The following MRTFB variants were observed in gnomAD, a reference collection of about 807,000 sequenced individuals.
The protein encoded by MRTFB is myocardin-related transcription factor B.
Under a neutral mutation model 104.2 loss-of-function variants are expected in MRTFB, and 29 were observed. The observed-to-expected ratio is 0.28, with a 90% CI of 0.21 to 0.38. MRTFB has a LOEUF of 0.38. MRTFB is among the 10% of genes least tolerant of loss of function. The probability of loss-of-function intolerance (pLI) is 1.00; values close to 1 mark genes in which losing one functional copy is unlikely to be tolerated. For missense variants in MRTFB, 1,270 were observed against 1,341.6 expected (o/e 0.95, Z 0.83); for synonymous variants, 535 against 519.5 (o/e 1.03, Z -0.41).
the MRTFB span, among the ~76,000 whole-genome samples, chr16:14,007,563 T>G: frequency 1.3e-5 from 2 of 152,182 alleles, no homozygotes. Flanking sequence ...TGGACATATG[T>G]TTTCATTTCT....
Position 14,253,828 on chromosome 16 carries a change from G to A in MRTFB, c.2703+1326G>A, listed in dbSNP as rs564876028. Among the ~76,000 whole-genome samples the A allele has an allele frequency of 1.2e-4, 19 of 152,322 alleles. No individual in the cohort carries two copies. In the South Asian group the frequency reaches 3.7e-3, roughly 30 times the overall value. On this transcript the variant is annotated intron_variant, in intron 15 of 16. Coordinates refer to ENST00000571589, the MANE Select transcript of MRTFB (RefSeq NM_001308142.2). ...ACAGACTCAGCAAAGGCCCTTGTCT[G>A]TGAGGGAAAAGTCAGATTTCAAAGA... is the stretch of plus-strand genomic sequence containing the variant.
At chr16:14,195,476 G>A in intron 3 of MRTFB, 10 of 961,226 alleles carry the variant, frequency 1.0e-5, no homozygotes, top group Non-Finnish European at 1.2e-5. Context: ...ATATATTTGA[G>A]TGTGTGTTTG....
chr16:14,260,858 TTAAG>T (rs769542693), intron 16 of MRTFB, 47 bp from the exon 17 acceptor site: 15 of 1,475,662 alleles, frequency 1.0e-5, no homozygotes, highest in Non-Finnish European at 1.3e-5. Context: ...ATAAAAATTT[TTAAG>T]TAGTAGTAAA....
intron 2 of MRTFB, among the ~76,000 whole-genome samples, chr16:14,135,970 C>A (rs2037696859): frequency 1.3e-5 from 2 of 152,116 alleles, no homozygotes; most frequent in Non-Finnish European, 2.9e-5. Flanking sequence ...ACATTTAATT[C>A]TTTAGGTTCC....
At chr16:14,166,892 T>C (rs1327282351) in intron 3 of MRTFB, among the ~76,000 whole-genome samples, 1 of 152,254 alleles carries the variant, frequency 6.6e-6, no homozygotes, top group Non-Finnish European at 1.5e-5. Context: ...TACCACATTT[T>C]CTTTATCCAG....
intron 3 of MRTFB, chr16:14,200,104 G>A (rs1159440000): frequency 3.4e-6 from 2 of 593,672 alleles, no homozygotes; most frequent in Non-Finnish European, 5.7e-6. Flanking sequence ...CCTTATCAAA[G>A]TTTTAAGGGC....
chr16:14,199,582 C>T (rs1328039870), intron 3 of MRTFB, among the ~76,000 whole-genome samples: 2 of 152,208 alleles, frequency 1.3e-5, no homozygotes, highest in African/African-American at 4.8e-5. Flanking sequence ...AACCCAGGAT[C>T]ATCTTTGTGA....
the MRTFB span, among the ~76,000 whole-genome samples, chr16:14,036,842 C>T: frequency 6.6e-6 from 1 of 152,130 alleles, no homozygotes; most frequent in South Asian, 2.1e-4. Context: ...GCCCCCAGGG[C>T]CAGCCCCCAC....
In MRTFB at chr16:14,170,191, T is replaced by G. The variant is rs1597141342; in HGVS notation, c.154+29431T>G. ...GTTCCTCTCAGCTGGGCATGATGGC[T>G]CACACCTGTAATCCCAGCACTTTGG... On this transcript the variant is annotated intron_variant, in intron 3 of 16. Transcript: ENST00000571589. 7 of 152,500 alleles carry G rather than the reference T, an allele frequency of 4.6e-5. 1 individual carries two copies. The highest frequency in any genetic ancestry group is 4.6e-4 in the Admixed American group (7 of 15,292). The allele number at this position is 152,500 out of a possible 1,614,324, so 9.4% of individuals were successfully genotyped here.
At chr16:14,132,071 A>G (rs2037468145) in intron 2 of MRTFB, among the ~76,000 whole-genome samples, 1 of 152,242 alleles carries the variant, frequency 6.6e-6, no homozygotes, top group South Asian at 2.1e-4. Flanking sequence ...TGGTAAATTC[A>G]CGCAATGAAA....
At chr16:14,084,651 GTGA>G (rs2034596111) in intron 2 of MRTFB, among the ~76,000 whole-genome samples, 1 of 152,210 alleles carries the variant, frequency 6.6e-6, no homozygotes, top group Non-Finnish European at 1.5e-5. Flanking sequence ...ACAAACTTGG[GTGA>G]TGATATTATT....
Position 14,140,759 on chromosome 16 carries a change from T to C in MRTFB, c.153T>C (p.Asn51=), listed in dbSNP as rs1210093598. The change falls in exon 3 of 17, where the codon AAT becomes AAC. Residue 51 remains asparagine (N), a splice_region_variant and synonymous_variant. Coordinates refer to ENST00000571589, the MANE Select transcript of MRTFB (RefSeq NM_001308142.2). ...QNLPPLNERK[N]VLQLRLQQRR... is the part of the protein sequence containing the mutation. ...TACCCCCTCTGAACGAAAGGAAAAA[T>C]GGTGAGTTCAGCATGTGCAATGGGA... 6.2e-7 allele frequency: 1 copy of C among 1,613,966 alleles called. No homozygotes were observed. Among genetic ancestry groups the C allele is most frequent in the Non-Finnish European group, 8.5e-7 (1 of 1,179,986 alleles).
chr16:14,024,272 T>C, the MRTFB span, among the ~76,000 whole-genome samples: 6 of 152,232 alleles, frequency 3.9e-5, no homozygotes, highest in African/African-American at 1.4e-4. Context: ...TTGCTTATGA[T>C]TAACTTTTCA....
intron 3 of MRTFB, among the ~76,000 whole-genome samples, chr16:14,148,428 A>T (rs1182442694): frequency 6.6e-5 from 10 of 152,210 alleles, no homozygotes; most frequent in Admixed American, 5.2e-4. Context: ...GAAAAAAGTG[A>T]TCCATGACAA....
At chr16:14,220,852 A>G (rs2041662879) in intron 8 of MRTFB, among the ~76,000 whole-genome samples, 1 of 152,244 alleles carries the variant, frequency 6.6e-6, no homozygotes, top group Non-Finnish European at 1.5e-5. Context: ...CATTCAAGAA[A>G]AAAAACCTGG....
At position 14,265,957 on chromosome 16, in the gene MRTFB, C is replaced by G. The variant is rs1488282315; in HGVS notation, c.*4513C>G. 1 of 152,230 alleles carries G rather than the reference C, an allele frequency of 6.6e-6. No homozygotes were observed. The highest frequency in any genetic ancestry group is 1.5e-5 in the Non-Finnish European group (1 of 68,036). The allele number at this position is 152,230 out of a possible 1,614,324, so 9.4% of individuals were successfully genotyped here. On this transcript the variant is annotated 3_prime_UTR_variant, in exon 17 of 17. Coordinates refer to ENST00000571589, the MANE Select transcript of MRTFB (RefSeq NM_001308142.2). ...ATACTGAAACTCGTAACAATTACCTCTCTACGTGATGCTGTAAGGAATCTT... is the reference window on the plus strand; with the variant it reads ...ATACTGAAACTCGTAACAATTACCTGTCTACGTGATGCTGTAAGGAATCTT...
At chr16:14,048,477 G>A in the MRTFB span, among the ~76,000 whole-genome samples, 1 of 152,170 alleles carries the variant, frequency 6.6e-6, no homozygotes, top group African/African-American at 2.4e-5. Context: ...GTGTGGTGAG[G>A]CCTTGGGAGA....
intron 4 of MRTFB, 94 bp from the exon 5 acceptor site, chr16:14,212,258 ATC>A (rs2041223644): frequency 7.8e-6 from 9 of 1,154,696 alleles, no homozygotes; most frequent in Non-Finnish European, 1.1e-5. Flanking sequence ...TGTAGTTGTG[ATC>A]TGTTAATAAT....
chr16:14,078,976 A>G (rs1169320811), intron 1 of MRTFB, among the ~76,000 whole-genome samples: 1 of 152,204 alleles, frequency 6.6e-6, no homozygotes, highest in Non-Finnish European at 1.5e-5. Context: ...TCACACAGGT[A>G]GAAAGTGGTA....
Sources: allele counts gnomAD v4.1 joint callset (sites outside exome capture counted in the v4.1 genomes callset), GRCh38; gene constraint gnomAD v4.1.1; transcripts MANE v1.5; gene names NCBI Gene and HGNC (gene_info 2026-07-23, HGNC 2026-07-21).